The following UNC80 variants were observed in gnomAD, a reference collection of about 807,000 sequenced individuals.
UNC80 encodes protein unc-80 homolog.
A neutral mutation model predicts 384.6 loss-of-function variants in UNC80; 164 were observed. The observed-to-expected ratio is 0.43, with a 90% CI of 0.38 to 0.49. The LOEUF is 0.49. Among genes scored for constraint, UNC80 ranks in the 20% least tolerant of loss-of-function variants. The pLI is 0.00. For synonymous variants in UNC80, 1,486 were observed against 1,527.8 expected (o/e 0.97, Z 0.64); for missense variants, 3,330 against 4,143.0 (o/e 0.80, Z 5.39).
chr2:209,833,948 A>G (rs931763292), intron 16 of UNC80, 54 bp from the exon 17 acceptor site: 334 of 1,527,658 alleles, frequency 2.2e-4, no homozygotes, highest in Non-Finnish European at 1.9e-4. Flanking sequence ...TGGAAAAACT[A>G]TTTAATCACA....
intron 58 of UNC80, among the ~76,000 whole-genome samples, chr2:209,977,439 C>T (rs1204842479): frequency 6.6e-6 from 1 of 152,136 alleles, no homozygotes; most frequent in East Asian, 1.9e-4. Flanking sequence ...GGGGGACATT[C>T]ATTTATTGAG....
chr2:209,878,311 G>T (rs1365902757), intron 24 of UNC80, among the ~76,000 whole-genome samples: 1 of 152,168 alleles, frequency 6.6e-6, no homozygotes, highest in African/African-American at 2.4e-5. Flanking sequence ...GCAAGGAGCT[G>T]CAGGCAAGAT....
chr2:209,792,565 T>A (rs558692516), intron 6 of UNC80, among the ~76,000 whole-genome samples: 1 of 152,288 alleles, frequency 6.6e-6, no homozygotes, highest in South Asian at 2.1e-4. Flanking sequence ...GCCCGGATGG[T>A]CTCGATCTCC....
At chr2:209,791,304 C>T (rs1418557429) in intron 6 of UNC80, among the ~76,000 whole-genome samples, 2 of 152,138 alleles carry the variant, frequency 1.3e-5, no homozygotes, top group African/African-American at 4.8e-5. Flanking sequence ...TTTGTCATGT[C>T]GCTTTCTCCT....
chr2:209,887,011 C>G lies in UNC80; in HGVS notation c.4111-1084C>G, dbSNP rs891879368. On this transcript the variant is annotated intron_variant, in intron 25 of 64. Coordinates refer to ENST00000673920, the MANE Select transcript of UNC80 (RefSeq NM_001371986.1). The stretch of plus-strand genomic sequence containing the variant: ...CCACCCACATTTCTTGGCTTATAGC[C>G]CTTTCCTTCGTCTTTTTATTATTAT... Among the ~76,000 whole-genome samples, 3 of 151,936 alleles carry G rather than the reference C, an allele frequency of 2.0e-5. No individual in the cohort carries two copies. The East Asian group carries it at 5.8e-4, about 29-fold the overall frequency.
At chr2:209,964,663 C>T (rs2092693076) in intron 51 of UNC80, among the ~76,000 whole-genome samples, 1 of 151,788 alleles carries the variant, frequency 6.6e-6, no homozygotes, top group Non-Finnish European at 1.5e-5. Flanking sequence ...TGGCATGCGC[C>T]TGTAGTCCCA....
At chr2:209,977,533 G>A (rs569876328) in intron 58 of UNC80, among the ~76,000 whole-genome samples, 1 of 152,170 alleles carries the variant, frequency 6.6e-6, no homozygotes, top group Admixed American at 6.5e-5. Context: ...AAAAAATGAG[G>A]AAACAGACAC....
At chr2:209,843,103 C>T (rs1162640298) in intron 21 of UNC80, among the ~76,000 whole-genome samples, 1 of 152,090 alleles carries the variant, frequency 6.6e-6, no homozygotes, top group East Asian at 1.9e-4. Flanking sequence ...CTTTACTTTT[C>T]CTTATGTGGA....
At position 209,995,769 on chromosome 2, in the gene UNC80, C is replaced by T. The variant is rs2093474853; in HGVS notation, c.*174C>T. On this transcript the variant is annotated 3_prime_UTR_variant, in exon 65 of 65. Transcript: ENST00000673920. ...AATACACATGATGTTTCATAAACAT[C>T]TTAAAAGTCAATGGCTAAAAGGATT... 3 of 722,244 alleles carry T rather than the reference C, an allele frequency of 4.2e-6. No individual in the cohort carries two copies. Among genetic ancestry groups the T allele is most frequent in the Non-Finnish European group, 6.6e-6 (3 of 456,802 alleles). The allele number at this position is 722,244 out of a possible 1,614,324, so 44.7% of individuals were successfully genotyped here. A position where few individuals can be genotyped will look rare whatever the true frequency, so the allele number is the denominator to read the frequency against.
At chr2:209,825,593 C>T (rs371203984) in intron 13 of UNC80, among the ~76,000 whole-genome samples, 1 of 152,266 alleles carries the variant, frequency 6.6e-6, no homozygotes. Flanking sequence ...TGATAGTCTG[C>T]ACTGTCTCTC....
intron 23 of UNC80, 26 bp from the exon 24 acceptor site, chr2:209,877,928 T>G (rs2084925774): frequency 6.6e-7 from 1 of 1,508,206 alleles, no homozygotes; most frequent in Non-Finnish European, 8.9e-7. Flanking sequence ...GTTTGTGCTG[T>G]TTCATTGTTT....
chr2:209,991,725 G>A (rs2093395570), intron 61 of UNC80, among the ~76,000 whole-genome samples: 1 of 152,094 alleles, frequency 6.6e-6, no homozygotes, highest in Non-Finnish European at 1.5e-5. Context: ...TGTCTGATGT[G>A]TTCGATATTT....
At chr2:209,813,537 G>A (rs1181126944) in intron 7 of UNC80, 43 bp from the exon 8 acceptor site, 7 of 1,532,252 alleles carry the variant, frequency 4.6e-6, no homozygotes, top group Non-Finnish European at 5.3e-6. Context: ...CCCTCTGAAA[G>A]CTTGATTGTC....
At chr2:209,785,544 A>G (rs931474660) in intron 4 of UNC80, among the ~76,000 whole-genome samples, 2 of 152,208 alleles carry the variant, frequency 1.3e-5, no homozygotes, top group African/African-American at 4.8e-5. Context: ...AAGGTTGTTA[A>G]GAAGACAACA....
Position 209,797,243 on chromosome 2 carries a change from C to T in UNC80, c.938+3384C>T, listed in dbSNP as rs186839046. ...CAAAAAAAATGAGACACGTGCAGAA[C>T]ATGCAGGTTTGTTACATAGGTATAT... On this transcript the variant is annotated intron_variant, in intron 7 of 64. Coordinates refer to ENST00000673920, the MANE Select transcript of UNC80 (RefSeq NM_001371986.1). Among the ~76,000 whole-genome samples, 223 of 152,116 alleles carry T rather than the reference C, an allele frequency of 1.5e-3. 1 individual carries two copies. Among genetic ancestry groups the T allele is most frequent in the African/African-American group, 5.2e-3 (216 of 41,484 alleles).
At chr2:209,965,473 T>G (rs1178436746) in intron 51 of UNC80, among the ~76,000 whole-genome samples, 1 of 148,810 alleles carries the variant, frequency 6.7e-6, no homozygotes, top group Non-Finnish European at 1.5e-5. Context: ...AGTTTTTTGT[T>G]TTTTTTTTTT....
intron 56 of UNC80, among the ~76,000 whole-genome samples, chr2:209,974,121 A>AT (rs1349277158): frequency 6.6e-6 from 1 of 152,190 alleles, no homozygotes; most frequent in African/African-American, 2.4e-5. Context: ...CTTGCCTGAT[A>AT]TTTTTCAATT....
At position 209,941,479 on chromosome 2, in the gene UNC80, C is replaced by G. The variant is rs1482118642; in HGVS notation, c.6905C>G (p.Thr2302Ser). 6.5e-7 allele frequency: 1 copy of G among 1,533,882 alleles called. No individual in the cohort carries two copies. Among genetic ancestry groups the G allele is most frequent in the African/African-American group, 1.4e-5 (1 of 72,772 alleles). The change falls in exon 44 of 65, where the codon ACC becomes AGC. Residue 2302 changes from threonine to serine, a missense_variant. By Grantham distance (58) the Thr-to-Ser change is moderately conservative. Coordinates refer to ENST00000673920, the MANE Select transcript of UNC80 (RefSeq NM_001371986.1). The part of the protein sequence containing the change: ...SLSGYQWILP[T>S]MLQVYSDYES... ...AGCGGCTACCAGTGGATTCTCCCCA[C>G]CATGCTGCAGGTGCCCAGAACCTCC...
Position 209,872,554 on chromosome 2 carries a change from T to G in UNC80, c.3628-204T>G, listed in dbSNP as rs570444901. Among the ~76,000 whole-genome samples, 307 of 152,252 alleles carry G rather than the reference T, an allele frequency of 2.0e-3. 1 individual carries two copies. Among genetic ancestry groups the G allele is most frequent in the African/African-American group, 6.9e-3 (288 of 41,550 alleles). On this transcript the variant is annotated intron_variant, in intron 22 of 64. Coordinates refer to ENST00000673920, the MANE Select transcript of UNC80 (RefSeq NM_001371986.1). This position sits in a 1 kb window ranked among gnomAD's most constrained non-coding sequence, Gnocchi z 4.1. The stretch of plus-strand genomic sequence containing the variant: ...ACCTAAAATGTCTAATCCTTCAAGA[T>G]CCACATTTTTGGGGGGGATTTTGCT...
Sources: allele counts gnomAD v4.1 joint callset (sites outside exome capture counted in the v4.1 genomes callset), GRCh38; gene constraint gnomAD v4.1.1; non-coding constraint Gnocchi (gnomAD v3.1); transcripts MANE v1.5; gene names NCBI Gene and HGNC (gene_info 2026-07-23, HGNC 2026-07-21).